TYW1B: variants seen among roughly 807,000 people sequenced by gnomAD.
TYW1B encodes the protein S-adenosyl-L-methionine-dependent tRNA 4-demethylwyosine synthase TYW1B.
Under a neutral mutation model 86.9 loss-of-function variants are expected in TYW1B, and 73 were observed. That is an observed-to-expected ratio of 0.84 (90% CI 0.70 to 1.02). The LOEUF is 1.02. Ranked by LOEUF, TYW1B falls within the 50% of genes least tolerant of loss-of-function variation. The pLI, the probability that TYW1B is intolerant of heterozygous loss-of-function variation, is 0.00. For missense variants in TYW1B, 637 were observed against 827.4 expected (o/e 0.77, Z 2.82); for synonymous variants, 248 against 292.8 (o/e 0.85, Z 1.56).
chr7:72,616,887 T>C, intron 12 of TYW1B, 48 bp from the exon 13 acceptor site: 3 of 1,601,914 alleles, frequency 1.9e-6, no homozygotes, highest in Non-Finnish European at 2.6e-6. Flanking sequence ...CCTACCTGCA[T>C]GTCATAGAAG....
intron 9 of TYW1B, among the ~76,000 whole-genome samples, chr7:72,719,631 C>CGAAA (rs1332010584): frequency 1.5e-5 from 1 of 65,056 alleles, no homozygotes; most frequent in Non-Finnish European, 2.7e-5. Flanking sequence ...ATTCCGTCTC[C>CGAAA]AAAAAAAAAA....
chr7:72,740,799 C>T (rs1238665333), intron 8 of TYW1B, among the ~76,000 whole-genome samples: 31 of 146,688 alleles, frequency 2.1e-4, no homozygotes, highest in African/African-American at 3.8e-4. Flanking sequence ...GGCGTGATCT[C>T]GGCTCACTGC....
At chr7:72,639,490 C>T (rs1227413576) in intron 11 of TYW1B, among the ~76,000 whole-genome samples, 1 of 152,002 alleles carries the variant, frequency 6.6e-6, no homozygotes, top group Non-Finnish European at 1.5e-5. Context: ...AAAAGTCCTT[C>T]AGCTGGAAGA....
intron 2 of TYW1B, among the ~76,000 whole-genome samples, chr7:72,821,160 A>C (rs1276819209): frequency 6.6e-6 from 1 of 152,052 alleles, no homozygotes; most frequent in Non-Finnish European, 1.5e-5. Flanking sequence ...TTTTAGTACA[A>C]ATGGGGTTTT....
chr7:72,782,129 AT>A (rs1554471752), intron 6 of TYW1B, among the ~76,000 whole-genome samples: 1 of 151,854 alleles, frequency 6.6e-6, no homozygotes, highest in Admixed American at 6.6e-5. Context: ...ACAAAAAAAA[AT>A]TTTTTTTAAT....
intron 10 of TYW1B, among the ~76,000 whole-genome samples, chr7:72,699,792 G>A (rs1235812538): frequency 6.6e-6 from 1 of 152,012 alleles, no homozygotes; most frequent in Non-Finnish European, 1.5e-5. Flanking sequence ...TGGTTCTACA[G>A]GCACGCACCA....
Position 72,785,814 on chromosome 7 carries a change from A to AAGAAAATGCC in TYW1B, c.847-8291_847-8282dup, listed in dbSNP as rs531605744. Among the ~76,000 whole-genome samples the AAGAAAATGCC allele has an allele frequency of 3.6e-4, 55 of 152,242 alleles. 1 individual carries two copies. In the South Asian group the frequency reaches 0.011, roughly 31 times the overall value. ...TCAGGGAATGTGTGAGCCAGCCCCA[A>AAGAAAATGCC]AGAAAATGCCAGAAAAAGCCAGGCT... On this transcript the variant is annotated intron_variant, in intron 6 of 13. Coordinates refer to ENST00000620995, the MANE Select transcript of TYW1B (RefSeq NM_001145440.3).
At chr7:72,793,157 G>T (rs1788248104) in intron 6 of TYW1B, among the ~76,000 whole-genome samples, 1 of 151,704 alleles carries the variant, frequency 6.6e-6, no homozygotes. Flanking sequence ...CAGCCAACAT[G>T]GCAAAACCCC....
chr7:72,722,159 T>G (rs1786916364), intron 9 of TYW1B, among the ~76,000 whole-genome samples: 1 of 152,264 alleles, frequency 6.6e-6, no homozygotes, highest in South Asian at 2.1e-4. Flanking sequence ...AATTAACAGG[T>G]GGTGTTCTCT....
At chr7:72,677,314 ATT>A (rs536089405) in intron 11 of TYW1B, among the ~76,000 whole-genome samples, 1 of 143,672 alleles carries the variant, frequency 7.0e-6, no homozygotes, top group African/African-American at 2.5e-5. Flanking sequence ...CACCTGGTTG[ATT>A]TTTTTTTTTT....
chr7:72,779,649 G>A (rs572123977), intron 6 of TYW1B, among the ~76,000 whole-genome samples: 18 of 138,598 alleles, frequency 1.3e-4, no homozygotes, highest in East Asian at 2.1e-4. Flanking sequence ...CCCGGGAGGC[G>A]GAGGTTACGG....
At chr7:72,793,696 A>C (rs1788258225) in intron 6 of TYW1B, among the ~76,000 whole-genome samples, 1 of 151,114 alleles carries the variant, frequency 6.6e-6, no homozygotes, top group African/African-American at 2.4e-5. Flanking sequence ...CGGAGGTCGT[A>C]TTGAGCCAAG....
chr7:72,689,711 A>C (rs1247452503), intron 11 of TYW1B, among the ~76,000 whole-genome samples: 1 of 152,220 alleles, frequency 6.6e-6, no homozygotes, highest in Non-Finnish European at 1.5e-5. Flanking sequence ...TTTGCAAAAA[A>C]GCATGCCCTC....
intron 11 of TYW1B, among the ~76,000 whole-genome samples, chr7:72,649,046 A>T (rs768954668): frequency 9.9e-5 from 15 of 152,162 alleles, no homozygotes; most frequent in Non-Finnish European, 2.2e-4. Flanking sequence ...GTTGGGAGAA[A>T]TTAGGTGAGG....
At chr7:72,766,598 A>G (rs762280500) in intron 7 of TYW1B, among the ~76,000 whole-genome samples, 1 of 106,898 alleles carries the variant, frequency 9.4e-6, no homozygotes, top group Non-Finnish European at 1.7e-5. Context: ...TGGGCAACAG[A>G]GTGAGATTCA....
chr7:72,617,768 C>T (rs1246008308), intron 12 of TYW1B, among the ~76,000 whole-genome samples: 30 of 152,136 alleles, frequency 2.0e-4, no homozygotes, highest in Non-Finnish European at 2.6e-4. Flanking sequence ...TACCTACATA[C>T]CTTTACACAC....
chr7:72,778,859 G>A (rs556030421), intron 6 of TYW1B, among the ~76,000 whole-genome samples: 72 of 152,152 alleles, frequency 4.7e-4, no homozygotes, highest in Admixed American at 1.4e-3. Context: ...CAGCATGCTG[G>A]TCTTCTATTC....
intron 10 of TYW1B, among the ~76,000 whole-genome samples, chr7:72,713,403 C>T (rs1395783251): frequency 6.6e-6 from 1 of 151,914 alleles, no homozygotes; most frequent in African/African-American, 2.4e-5. Flanking sequence ...TTTTCAATTC[C>T]CCTAGCGACA....
In TYW1B at chr7:72,644,243, G is replaced by C. The variant is rs557603262; in HGVS notation, c.1507-15246C>G. 1.2e-4 allele frequency among the ~76,000 whole-genome samples: 18 copies of C among 152,286 alleles called. No homozygotes were observed. The East Asian group carries it at 3.5e-3, about 29-fold the overall frequency. On this transcript the variant is annotated intron_variant, in intron 11 of 13. Coordinates refer to ENST00000620995, the MANE Select transcript of TYW1B (RefSeq NM_001145440.3). ...AAAAGGAAATTTCTTCAGTATGGTG[G>C]AGTATTTATAAAAAATCAACAGTAG...
Sources: gnomAD v4.1 joint callset for allele counts (sites outside exome capture counted in the v4.1 genomes callset) on GRCh38, gnomAD v4.1.1 for gene constraint, MANE v1.5 for transcripts, NCBI Gene and HGNC (gene_info 2026-07-23, HGNC 2026-07-21) for gene names.